MGAT5B: variants seen among roughly 807,000 people sequenced by gnomAD.
MGAT5B encodes N-acetylglucosaminyl-transferase Vb.
Under a neutral mutation model 95.1 loss-of-function variants are expected in MGAT5B, and 54 were observed. That is an observed-to-expected ratio of 0.57 (90% CI 0.46 to 0.71). MGAT5B has a LOEUF of 0.71. MGAT5B is among the 30% of genes least tolerant of loss of function. The probability of loss-of-function intolerance (pLI) is 0.00; values close to 1 mark genes in which losing one functional copy is unlikely to be tolerated. For synonymous variants in MGAT5B, 464 were observed against 451.0 expected, an observed-to-expected ratio of 1.03 and a Z score of -0.36; for missense variants, 935 against 1,088.6, an observed-to-expected ratio of 0.86 and a Z score of 1.99.
chr17:76,891,302 G>T (rs1967858672), intron 3 of MGAT5B, among the ~76,000 whole-genome samples: 1 of 152,064 alleles, frequency 6.6e-6, no homozygotes, highest in Admixed American at 6.5e-5. Context: ...CATTCATGAG[G>T]GCTCCACCCT....
chr17:76,897,176 C>T (rs913922375), intron 3 of MGAT5B, among the ~76,000 whole-genome samples: 4 of 152,154 alleles, frequency 2.6e-5, no homozygotes, highest in African/African-American at 4.8e-5. Flanking sequence ...CTTGCCCTCC[C>T]GAAGTACTGG....
intron 3 of MGAT5B, among the ~76,000 whole-genome samples, chr17:76,895,011 G>T (rs796819753): frequency 6.6e-6 from 1 of 152,158 alleles, no homozygotes; most frequent in Admixed American, 6.5e-5. Context: ...TAGGAACCTG[G>T]CTGCACAGCA....
At chr17:76,935,962 A>AT (rs966036986) in intron 12 of MGAT5B, among the ~76,000 whole-genome samples, 104 of 143,970 alleles carry the variant, frequency 7.2e-4, no homozygotes, top group Non-Finnish European at 1.1e-3. Flanking sequence ...CATTATATAT[A>AT]TATATATGTA....
chr17:76,927,837 G>T (rs1022086240), intron 10 of MGAT5B, among the ~76,000 whole-genome samples: 4 of 152,238 alleles, frequency 2.6e-5, no homozygotes, highest in African/African-American at 4.8e-5. Flanking sequence ...AAGGCTCCAG[G>T]CCAGAAAGCT....
chr17:76,947,326 C>T lies in MGAT5B; in HGVS notation c.1924-504C>T, dbSNP rs554425365. On this transcript the variant is annotated intron_variant, in intron 16 of 17. Coordinates refer to ENST00000569840, the MANE Select transcript of MGAT5B (RefSeq NM_001199172.2). ...AAACCCCCAGAAGGGAGAGTGTATT[C>T]AGGTGAGGGGGTGAGGGTCAGGGCC... Among the ~76,000 whole-genome samples, 6 of 152,300 alleles carry T rather than the reference C, an allele frequency of 3.9e-5. No individual in the cohort carries two copies. The East Asian group carries it at 1.2e-3, about 29-fold the overall frequency.
chr17:76,902,014 G>A (rs375099392), intron 3 of MGAT5B, among the ~76,000 whole-genome samples: 7 of 152,318 alleles, frequency 4.6e-5, no homozygotes, highest in African/African-American at 1.7e-4. Flanking sequence ...GCAGATGTGG[G>A]CACATGTACA....
intron 2 of MGAT5B, among the ~76,000 whole-genome samples, chr17:76,876,521 T>A (rs1229445850): frequency 1.3e-5 from 2 of 150,260 alleles, no homozygotes; most frequent in African/African-American, 4.9e-5. Flanking sequence ...GGAAAAACAA[T>A]CTCTCCTCCC....
intron 5 of MGAT5B, 26 bp downstream of exon 5, chr17:76,903,402 G>T: frequency 6.3e-7 from 1 of 1,591,122 alleles, no homozygotes; most frequent in Non-Finnish European, 8.6e-7. Flanking sequence ...GAGGGGTGGG[G>T]ATGTCTACAG....
At chr17:76,936,306 G>T (rs1969670312) in intron 12 of MGAT5B, among the ~76,000 whole-genome samples, 1 of 152,156 alleles carries the variant, frequency 6.6e-6, no homozygotes, top group South Asian at 2.1e-4. Flanking sequence ...TACTCAGGAG[G>T]CTGAGGCAGG....
Position 76,940,742 on chromosome 17 carries a change from A to G in MGAT5B, c.1742A>G (p.Gln581Arg), listed in dbSNP as rs1211307875. 2.5e-6 allele frequency: 4 copies of G among 1,614,014 alleles called. No homozygotes were observed. Among genetic ancestry groups the G allele is most frequent in the East Asian group, 2.2e-5 (1 of 44,904 alleles). ...CTGTACCCTTGCCAGGTGTTCTCCC[A>G]GCATCCCTACGCGGAGAACTTCATC... ...GKPTSREVFS[Q>R]HPYAENFIGK... Residue 581 changes from glutamine (Q) to arginine (R), a missense_variant, in exon 15 of 18, where the codon CAG (glutamine) becomes CGG (arginine). Coordinates refer to ENST00000569840, the MANE Select transcript of MGAT5B (RefSeq NM_001199172.2). The surrounding 1 kb of genome is among the most constrained non-coding windows in gnomAD (Gnocchi z 4.3).
In MGAT5B at chr17:76,946,481, T is replaced by A. The variant is rs757052915; in HGVS notation, c.1923+31T>A. 3 of 1,551,552 alleles carry A rather than the reference T, an allele frequency of 1.9e-6. No homozygotes were observed. The African/African-American group carries it at 4.1e-5, about 21-fold the overall frequency. On this transcript the variant is annotated intron_variant, in intron 16 of 17. Transcript: ENST00000569840. ...TGAGCCCTCTGGTCCCTGCCCCAGATCCTGTCAGACCAGAGGAGGGGGCTG... is the reference window on the plus strand; with the variant it reads ...TGAGCCCTCTGGTCCCTGCCCCAGAACCTGTCAGACCAGAGGAGGGGGCTG...
chr17:76,884,578 T>C (rs1967552541), intron 3 of MGAT5B, among the ~76,000 whole-genome samples: 1 of 149,202 alleles, frequency 6.7e-6, no homozygotes, highest in East Asian at 2.0e-4. Flanking sequence ...GGATTACAGG[T>C]GTGTGTGCCA....
intron 5 of MGAT5B, among the ~76,000 whole-genome samples, chr17:76,903,818 C>G (rs1481160062): frequency 6.6e-6 from 1 of 152,194 alleles, no homozygotes; most frequent in African/African-American, 2.4e-5. Flanking sequence ...TGCCGCAGAC[C>G]CCTTCCTTGG....
chr17:76,939,500 A>G (rs1969796825), intron 13 of MGAT5B, among the ~76,000 whole-genome samples: 1 of 129,370 alleles, frequency 7.7e-6, no homozygotes, highest in African/African-American at 3.0e-5. Flanking sequence ...GTGACAGAGC[A>G]AGACTCCGTC....
chr17:76,940,302 T>G lies in MGAT5B; in HGVS notation c.1585-100T>G. 1 of 1,397,170 alleles carries G rather than the reference T, an allele frequency of 7.2e-7. No homozygotes were observed. Among genetic ancestry groups the G allele is most frequent in the Non-Finnish European group, 9.5e-7 (1 of 1,051,188 alleles). 86.5% of individuals were successfully genotyped at this position (1,397,170 alleles called of 1,614,324 possible). ...AATCGCTCCAGGCCCAGCTGCCTCC[T>G]GTGAATATCCCGAAGCCTCACCTTG... is the stretch of plus-strand genomic sequence containing the variant. On this transcript the variant is annotated intron_variant, in intron 13 of 17. Transcript: ENST00000569840. The surrounding 1 kb of genome is among the most constrained non-coding windows in gnomAD (Gnocchi z 4.3).
At chr17:76,886,973 G>A (rs564212063) in intron 3 of MGAT5B, among the ~76,000 whole-genome samples, 6 of 152,314 alleles carry the variant, frequency 3.9e-5, no homozygotes, top group African/African-American at 1.2e-4. Flanking sequence ...GAAGCTGAGA[G>A]GCGGAGGCTG....
chr17:76,937,962 C>T, intron 12 of MGAT5B, 26 bp from the exon 13 acceptor site: 1 of 1,609,348 alleles, frequency 6.2e-7, no homozygotes, highest in South Asian at 1.1e-5. Context: ...GCATGTGGTT[C>T]CCATCTCCTC....
At chr17:76,882,705 CTT>C (rs763528809) in intron 3 of MGAT5B, among the ~76,000 whole-genome samples, 4 of 70,170 alleles carry the variant, frequency 5.7e-5, no homozygotes, top group African/African-American at 1.5e-4. Context: ...TCCACTGCCC[CTT>C]TTTTTTTTTT....
intron 8 of MGAT5B, among the ~76,000 whole-genome samples, chr17:76,908,832 A>G (rs1448069688): frequency 2.1e-5 from 3 of 145,680 alleles, no homozygotes; most frequent in Non-Finnish European, 4.5e-5. Context: ...TTTGAGATGG[A>G]GTCTCACTCT....
Sources: gnomAD v4.1 joint callset for allele counts (sites outside exome capture counted in the v4.1 genomes callset) on GRCh38, gnomAD v4.1.1 for gene constraint, Gnocchi (gnomAD v3.1) non-coding constraint, MANE v1.5 for transcripts, NCBI Gene and HGNC (gene_info 2026-07-23, HGNC 2026-07-21) for gene names.